KDM4A: variants seen among roughly 807,000 people sequenced by gnomAD.
KDM4A encodes lysine demethylase 4A.
Under a neutral mutation model 127.1 loss-of-function variants are expected in KDM4A, and 23 were observed. The ratio of observed to expected loss-of-function variants is 0.18; its 90% CI spans 0.13 to 0.26. KDM4A has a LOEUF of 0.26. KDM4A is among the 10% of genes least tolerant of loss of function. The pLI, the probability that KDM4A is intolerant of heterozygous loss-of-function variation, is 1.00. For missense variants in KDM4A, 890 were observed against 1,329.1 expected (o/e 0.67, Z 5.14); for synonymous variants, 443 against 466.5 (o/e 0.95, Z 0.65).
Position 43,664,429 on chromosome 1 carries a change from G to A in KDM4A, c.624-1267G>A, listed in dbSNP as rs895219408. ...AAAAACACAAAATTAGCCAGGCGTG[G>A]TGTGTTTAGGGAGCTAGGGGGAGTC... is the stretch of plus-strand genomic sequence containing the variant. On this transcript the variant is annotated intron_variant, in intron 5 of 21. Coordinates refer to ENST00000372396, the MANE Select transcript of KDM4A (RefSeq NM_014663.3). Among the ~76,000 whole-genome samples the A allele has an allele frequency of 5.9e-5, 9 of 152,300 alleles. No individual in the cohort carries two copies. The East Asian group carries it at 9.6e-4, about 16-fold the overall frequency.
At chr1:43,684,866 T>A (rs1309625422) in intron 12 of KDM4A, among the ~76,000 whole-genome samples, 1 of 152,158 alleles carries the variant, frequency 6.6e-6, no homozygotes, top group Non-Finnish European at 1.5e-5. Flanking sequence ...TATGAAGGTC[T>A]GAAGTAGGAT....
At position 43,666,519 on chromosome 1, in the gene KDM4A, G is replaced by A. The variant is rs1471035990; in HGVS notation, c.741G>A (p.Pro247=). 9.3e-6 allele frequency: 15 copies of A among 1,614,004 alleles called. No homozygotes were observed. The highest frequency in any genetic ancestry group is 3.3e-5 in the Admixed American group (2 of 59,986). Residue 247 remains proline, a synonymous_variant, in exon 7 of 22, where the codon CCG becomes CCA. Coordinates refer to ENST00000372396, the MANE Select transcript of KDM4A (RefSeq NM_014663.3). ...FLRHKMTLIS[P]LMLKKYGIPF... is the part of the protein sequence containing the mutation. ...GCCACAAGATGACCCTGATTTCCCCGTTAATGCTGAAGAAATATGGAATTC... is the reference window on the plus strand; with the variant it reads ...GCCACAAGATGACCCTGATTTCCCCATTAATGCTGAAGAAATATGGAATTC...
At chr1:43,681,131 G>A (rs753863399) in intron 11 of KDM4A, among the ~76,000 whole-genome samples, 5 of 152,068 alleles carry the variant, frequency 3.3e-5, no homozygotes, top group East Asian at 1.9e-4. Context: ...TTTGTCCACC[G>A]GAACTTATCT....
chr1:43,662,532 G>C (rs759511295), intron 4 of KDM4A, among the ~76,000 whole-genome samples: 2 of 152,168 alleles, frequency 1.3e-5, no homozygotes, highest in Admixed American at 6.5e-5. Flanking sequence ...GCTTGAGCCC[G>C]GGAGGCGGAG....
At chr1:43,657,241 T>C (rs1660265122) in intron 3 of KDM4A, among the ~76,000 whole-genome samples, 1 of 151,840 alleles carries the variant, frequency 6.6e-6, no homozygotes, top group Non-Finnish European at 1.5e-5. Flanking sequence ...TCTCGCTCTG[T>C]CGCCAGGCTA....
At chr1:43,668,360 C>T (rs539297125) in intron 9 of KDM4A, among the ~76,000 whole-genome samples, 4 of 152,180 alleles carry the variant, frequency 2.6e-5, no homozygotes, top group East Asian at 3.9e-4. Context: ...CTCCTGACCT[C>T]GTGATCCGCC....
chr1:43,694,183 G>A lies in KDM4A; in HGVS notation c.2484+81G>A. On this transcript the variant is annotated intron_variant, in intron 17 of 21. Transcript: ENST00000372396. The surrounding 1 kb of genome is among the most constrained non-coding windows in gnomAD (Gnocchi z 5.2). ...AGAACAGGGACCTCCTGTACCCCTT[G>A]GTTTTGGTTAGAGTTTGTGATTCTC... 1 of 1,139,796 alleles carries A rather than the reference G, an allele frequency of 8.8e-7. No homozygotes were observed. Among genetic ancestry groups the A allele is most frequent in the Non-Finnish European group, 1.3e-6 (1 of 782,190 alleles). The allele number at this position is 1,139,796 out of a possible 1,614,324, so 70.6% of individuals were successfully genotyped here. A position where few individuals can be genotyped will look rare whatever the true frequency, so the allele number is the denominator to read the frequency against.
rs1661155697 is a variant in KDM4A, at chr1:43,693,044, C to T, written c.2375+733C>T. ...TCCAGCCGCCTGCCCTCAAGAGTCC[C>T]AGTTATGCTGTCCCTGAGAGATAGC... On this transcript the variant is annotated intron_variant, in intron 16 of 21. Coordinates refer to ENST00000372396, the MANE Select transcript of KDM4A (RefSeq NM_014663.3). This position sits in a 1 kb window ranked among gnomAD's most constrained non-coding sequence, Gnocchi z 4.2. Among the ~76,000 whole-genome samples the T allele has an allele frequency of 6.6e-6, 1 of 152,206 alleles. No homozygotes were observed. Among genetic ancestry groups the T allele is most frequent in the Admixed American group, 6.5e-5 (1 of 15,276 alleles).
chr1:43,686,151 G>GTTTTTTTTTTTTTTTT (rs35512755), intron 12 of KDM4A, among the ~76,000 whole-genome samples: 2 of 97,904 alleles, frequency 2.0e-5, no homozygotes, highest in East Asian at 3.1e-4. Context: ...TTTGTTTCTT[G>GTTTTTTTTTTTTTTTT]TTTTTTTTTT....
chr1:43,691,133 C>T (rs1661099723), intron 14 of KDM4A, 84 bp downstream of exon 14: 5 of 1,368,704 alleles, frequency 3.7e-6, no homozygotes, highest in Non-Finnish European at 5.2e-6. Context: ...CCTGGCCTCC[C>T]AGCCCCAAAA....
chr1:43,690,240 T>C (rs1366354902), intron 13 of KDM4A, among the ~76,000 whole-genome samples: 1 of 152,108 alleles, frequency 6.6e-6, no homozygotes, highest in Non-Finnish European at 1.5e-5. Context: ...GCATCTGCTC[T>C]GGGTACACTC....
intron 5 of KDM4A, among the ~76,000 whole-genome samples, chr1:43,663,623 A>ATT (rs11442176): frequency 2.8e-4 from 41 of 146,384 alleles, no homozygotes; most frequent in African/African-American, 9.5e-4. Context: ...GAGTCTCAGC[A>ATT]TTTTTTTTTT....
At chr1:43,698,644 A>AT (rs1486876260) in intron 19 of KDM4A, among the ~76,000 whole-genome samples, 3 of 152,050 alleles carry the variant, frequency 2.0e-5, no homozygotes, top group East Asian at 3.9e-4. Context: ...GAATGAAACC[A>AT]TTTTTTCCTT....
intron 3 of KDM4A, among the ~76,000 whole-genome samples, chr1:43,658,195 A>G (rs559481): frequency 0.81 from 121,715 of 151,168 alleles, 49,550 homozygotes; most frequent in African/African-American, 0.91. Context: ...TCAGCCTCCC[A>G]TGTAGCTGGG....
chr1:43,660,485 A>T, intron 4 of KDM4A, 73 bp downstream of exon 4: 1 of 1,527,598 alleles, frequency 6.5e-7, no homozygotes. Flanking sequence ...CCCGGCACGT[A>T]GTAGGCACCT....
chr1:43,686,216 T>C (rs530917869), intron 12 of KDM4A, among the ~76,000 whole-genome samples: 17 of 140,750 alleles, frequency 1.2e-4, no homozygotes, highest in African/African-American at 4.0e-4. Flanking sequence ...TGGAGTGCAG[T>C]GGTGTGATCT....
chr1:43,703,875 T>G, intron 20 of KDM4A, 139 bp downstream of exon 20: 2 of 1,351,978 alleles, frequency 1.5e-6, no homozygotes, highest in South Asian at 2.6e-5. Flanking sequence ...CTGCCCTGTT[T>G]CCAGTCTGCC....
intron 3 of KDM4A, among the ~76,000 whole-genome samples, chr1:43,656,228 G>A (rs1044694934): frequency 6.6e-6 from 1 of 151,622 alleles, no homozygotes; most frequent in South Asian, 2.1e-4. Context: ...CCACCAAGCT[G>A]GTTGCTATTT....
intron 11 of KDM4A, among the ~76,000 whole-genome samples, chr1:43,674,550 T>C (rs867731866): frequency 1.1e-4 from 17 of 150,728 alleles, no homozygotes; most frequent in Middle Eastern, 3.2e-3. Context: ...TGAGTCTCGC[T>C]CTGTTGCCCA....
Sources: allele counts gnomAD v4.1 joint callset (sites outside exome capture counted in the v4.1 genomes callset), GRCh38; gene constraint gnomAD v4.1.1; non-coding constraint Gnocchi (gnomAD v3.1); transcripts MANE v1.5; gene names NCBI Gene and HGNC (gene_info 2026-07-23, HGNC 2026-07-21).